CAMK1D: variants seen among roughly 807,000 people sequenced by gnomAD.
CAMK1D encodes the protein calcium/calmodulin-dependent protein kinase type 1D.
A neutral mutation model predicts 47.7 loss-of-function variants in CAMK1D; 9 were observed. The observed-to-expected ratio is 0.19, with a 90% CI of 0.11 to 0.33. The LOEUF (loss-of-function observed/expected upper bound fraction) is 0.33, where lower values mean the gene tolerates loss of function less well. CAMK1D is among the 10% of genes least tolerant of loss of function. The pLI, the probability that CAMK1D is intolerant of heterozygous loss-of-function variation, is 1.00. For missense variants in CAMK1D, 291 were observed against 488.7 expected (o/e 0.60, Z 3.81); for synonymous variants, 184 against 184.9 (o/e 0.99, Z 0.04).
intron 2 of CAMK1D, among the ~76,000 whole-genome samples, chr10:12,599,820 G>A (rs1301357347): frequency 6.6e-6 from 1 of 152,216 alleles, no homozygotes; most frequent in African/African-American, 2.4e-5. Context: ...GAGAAGAATT[G>A]CAGAATTGTA....
At chr10:12,544,167 A>G (rs531504790) in intron 1 of CAMK1D, among the ~76,000 whole-genome samples, 7 of 152,366 alleles carry the variant, frequency 4.6e-5, no homozygotes, top group African/African-American at 1.7e-4. Context: ...TCAGGTGAAG[A>G]AAACATTTAG....
intron 2 of CAMK1D, among the ~76,000 whole-genome samples, chr10:12,638,213 G>T (rs1436472608): frequency 6.6e-6 from 1 of 152,190 alleles, no homozygotes; most frequent in Non-Finnish European, 1.5e-5. Flanking sequence ...GTTTCTGTTT[G>T]CCTCGTGTGC....
intron 8 of CAMK1D, among the ~76,000 whole-genome samples, chr10:12,824,004 G>A (rs1308696691): frequency 6.6e-6 from 1 of 152,098 alleles, no homozygotes; most frequent in African/African-American, 2.4e-5. Flanking sequence ...AAGCTGGGAA[G>A]CAAGGCCGGG....
At chr10:12,463,926 C>T (rs7081583) in intron 1 of CAMK1D, among the ~76,000 whole-genome samples, 57,949 of 151,800 alleles carry the variant, frequency 0.38, 11,613 homozygotes, top group East Asian at 0.6. Context: ...TCCTTCCTGC[C>T]GCCTTGTGAA....
Position 12,553,261 on chromosome 10 carries a change from G to A in CAMK1D, c.129G>A (p.Lys43=), listed in dbSNP as rs767392318. 6.2e-6 allele frequency: 10 copies of A among 1,614,192 alleles called. No homozygotes were observed. Among genetic ancestry groups the A allele is most frequent in the South Asian group, 5.5e-5 (5 of 91,080 alleles). The change falls in exon 2 of 11, where the codon AAG becomes AAA. Residue 43 remains lysine (K), a synonymous_variant. Transcript: ENST00000619168. ...CCGAAGTGGTTTTAGCTGAAGAGAA[G>A]GCAACTGGCAAGCTCTTTGCTGTGA... ...AFSEVVLAEE[K]ATGKLFAVKC... is the part of the protein sequence containing the mutation.
chr10:12,797,866 T>G (rs1049664183), intron 6 of CAMK1D, among the ~76,000 whole-genome samples: 1 of 152,118 alleles, frequency 6.6e-6, no homozygotes, highest in East Asian at 1.9e-4. Context: ...TCTGTGACAA[T>G]TGGTTTACTA....
chr10:12,738,435 G>C (rs1317391949), intron 3 of CAMK1D, among the ~76,000 whole-genome samples: 2 of 152,258 alleles, frequency 1.3e-5, no homozygotes, highest in African/African-American at 4.8e-5. Flanking sequence ...TCTTTTTCTA[G>C]GAATGGCATC....
intron 1 of CAMK1D, among the ~76,000 whole-genome samples, chr10:12,484,857 G>A (rs1337180125): frequency 2.6e-5 from 4 of 152,034 alleles, no homozygotes; most frequent in Admixed American, 6.5e-5. Context: ...GGCTGGGCGT[G>A]TCATGGGAGG....
chr10:12,752,108 C>T (rs887373196), intron 3 of CAMK1D, among the ~76,000 whole-genome samples: 1 of 151,962 alleles, frequency 6.6e-6, no homozygotes, highest in African/African-American at 2.4e-5. Context: ...CTCAGCCTCC[C>T]GAGTAGCTGG....
At chr10:12,590,175 TCTTTA>T (rs1837955190) in intron 2 of CAMK1D, among the ~76,000 whole-genome samples, 1 of 152,192 alleles carries the variant, frequency 6.6e-6, no homozygotes, top group South Asian at 2.1e-4. Context: ...GATATGCATA[TCTTTA>T]CTTCTCAACT....
At chr10:12,514,539 G>C (rs1250643753) in intron 1 of CAMK1D, among the ~76,000 whole-genome samples, 1 of 152,222 alleles carries the variant, frequency 6.6e-6, no homozygotes, top group Non-Finnish European at 1.5e-5. Context: ...CCTTTTTACA[G>C]ATAAGGCCTA....
intron 5 of CAMK1D, among the ~76,000 whole-genome samples, chr10:12,785,410 A>G (rs1837678247): frequency 6.6e-6 from 1 of 152,216 alleles, no homozygotes; most frequent in Non-Finnish European, 1.5e-5. Context: ...TCCCTCTTGC[A>G]GGAGGCATGG....
At chr10:12,520,060 T>G (rs866438961) in intron 1 of CAMK1D, among the ~76,000 whole-genome samples, 3 of 45,932 alleles carry the variant, frequency 6.5e-5, no homozygotes, top group Non-Finnish European at 8.7e-5. Flanking sequence ...GCTGGCCGGG[T>G]GGGGGGCTGA....
At chr10:12,471,170 C>A (rs891610573) in intron 1 of CAMK1D, among the ~76,000 whole-genome samples, 11 of 152,188 alleles carry the variant, frequency 7.2e-5, no homozygotes, top group African/African-American at 2.7e-4. Flanking sequence ...ACTGATTCCC[C>A]CACCCCAGCG....
intron 1 of CAMK1D, among the ~76,000 whole-genome samples, chr10:12,382,769 G>A (rs1020825005): frequency 5.3e-5 from 8 of 152,168 alleles, no homozygotes; most frequent in African/African-American, 1.7e-4. Flanking sequence ...AGGTTGCAGT[G>A]AGCTGAGATC....
intron 1 of CAMK1D, among the ~76,000 whole-genome samples, chr10:12,513,985 G>A (rs1360349105): frequency 6.6e-6 from 1 of 152,126 alleles, no homozygotes; most frequent in Non-Finnish European, 1.5e-5. Flanking sequence ...TGACTGCAGC[G>A]GTGGGCTGTG....
chr10:12,768,557 C>T (rs74467979), intron 4 of CAMK1D, among the ~76,000 whole-genome samples: 5,381 of 152,218 alleles, frequency 0.035, 195 homozygotes, highest in East Asian at 0.1. Flanking sequence ...ATGACAGAAA[C>T]GATTCCTCAT....
rs1588919890 is a variant in CAMK1D at position 12,781,681 on chromosome 10, T to A, written c.566-9477T>A. 2.0e-5 allele frequency among the ~76,000 whole-genome samples: 3 copies of A among 151,124 alleles called. 1 individual carries two copies. In the East Asian group the frequency reaches 5.8e-4, roughly 29 times the overall value. On this transcript the variant is annotated intron_variant, in intron 5 of 10. Transcript: ENST00000619168. The stretch of plus-strand genomic sequence containing the variant: ...TTTTTTTTTTTTTTGAAACGGAGTC[T>A]TGCTGTGTTGCCCAGGCTGGCGTGC...
intron 1 of CAMK1D, among the ~76,000 whole-genome samples, chr10:12,360,859 A>T (rs1564292386): frequency 6.6e-6 from 1 of 152,122 alleles, no homozygotes; most frequent in South Asian, 2.1e-4. Flanking sequence ...TGCCTCTCCC[A>T]TCTTTCTTTC....
Sources: allele counts gnomAD v4.1 joint callset (sites outside exome capture counted in the v4.1 genomes callset), GRCh38; gene constraint gnomAD v4.1.1; transcripts MANE v1.5; gene names NCBI Gene and HGNC (gene_info 2026-07-23, HGNC 2026-07-21).